The following CDKAL1 variants were observed in gnomAD, a reference collection of about 807,000 sequenced individuals.
CDKAL1 encodes the protein CDKAL1 threonylcarbamoyladenosine tRNA methylthiotransferase.
CDKAL1 carries 32 observed loss-of-function variants against 68.2 expected under a neutral mutation model. That is an observed-to-expected ratio of 0.47 (90% CI 0.35 to 0.63). The LOEUF (loss-of-function observed/expected upper bound fraction) is 0.63, where lower values mean the gene tolerates loss of function less well. Among genes scored for constraint, CDKAL1 ranks in the 30% least tolerant of loss-of-function variants. CDKAL1 has a pLI of 0.00. For synonymous variants in CDKAL1, 234 were observed against 244.3 expected (o/e 0.96, Z 0.39); for missense variants, 606 against 696.7 (o/e 0.87, Z 1.47).
At chr6:20,882,211 G>A (rs1760859373) in intron 9 of CDKAL1, among the ~76,000 whole-genome samples, 1 of 152,128 alleles carries the variant, frequency 6.6e-6, no homozygotes, top group Admixed American at 6.5e-5. Context: ...AGGGGGAAGG[G>A]GCATTCCTGT....
At chr6:21,168,587 GA>G (rs1214756297) in intron 13 of CDKAL1, among the ~76,000 whole-genome samples, 1 of 152,146 alleles carries the variant, frequency 6.6e-6, no homozygotes, top group East Asian at 1.9e-4. Flanking sequence ...CCACAATTGG[GA>G]AAAGTGGAAG....
chr6:20,876,141 G>C (rs1289149135), intron 9 of CDKAL1, among the ~76,000 whole-genome samples: 1 of 152,202 alleles, frequency 6.6e-6, no homozygotes, highest in African/African-American at 2.4e-5. Flanking sequence ...ATTTTTACCA[G>C]CTGCTGCTGG....
chr6:20,787,524 G>A (rs1775726564), intron 8 of CDKAL1, among the ~76,000 whole-genome samples: 2 of 152,360 alleles, frequency 1.3e-5, no homozygotes, highest in South Asian at 4.1e-4. Flanking sequence ...CGGTCCAGCT[G>A]TTCTTGTAAC....
chr6:20,652,573 T>C (rs952412986), intron 5 of CDKAL1, among the ~76,000 whole-genome samples: 2 of 152,220 alleles, frequency 1.3e-5, no homozygotes, highest in Non-Finnish European at 2.9e-5. Context: ...ACCTTTTCAT[T>C]GGTATTTAAA....
intron 9 of CDKAL1, among the ~76,000 whole-genome samples, chr6:20,851,849 G>T (rs1759030700): frequency 2.0e-5 from 3 of 151,644 alleles, no homozygotes; most frequent in African/African-American, 4.8e-5. Flanking sequence ...AGCAATATTT[G>T]ATTTTCTATT....
intron 5 of CDKAL1, among the ~76,000 whole-genome samples, chr6:20,698,053 A>T (rs546123013): frequency 1.4e-4 from 22 of 152,278 alleles, no homozygotes; most frequent in African/African-American, 5.1e-4. Context: ...AATCCTTTTA[A>T]TTATTTTCCT....
At chr6:21,071,761 G>C (rs1214508020) in intron 12 of CDKAL1, among the ~76,000 whole-genome samples, 1 of 152,130 alleles carries the variant, frequency 6.6e-6, no homozygotes, top group South Asian at 2.1e-4. Flanking sequence ...AGGTGCTAAG[G>C]TAAGAACTGA....
At chr6:21,178,113 C>G (rs1777656116) in intron 13 of CDKAL1, among the ~76,000 whole-genome samples, 1 of 151,820 alleles carries the variant, frequency 6.6e-6, no homozygotes, top group African/African-American at 2.4e-5. Context: ...CTAATTCCAG[C>G]CAATGTTGCA....
chr6:21,176,298 A>G (rs921065308), intron 13 of CDKAL1, among the ~76,000 whole-genome samples: 27 of 152,364 alleles, frequency 1.8e-4, no homozygotes, highest in Non-Finnish European at 2.6e-4. Context: ...ATTTTTCTAT[A>G]CATTAATGAA....
At chr6:21,182,448 G>C (rs763651044) in intron 13 of CDKAL1, among the ~76,000 whole-genome samples, 5 of 152,158 alleles carry the variant, frequency 3.3e-5, no homozygotes, top group Non-Finnish European at 7.4e-5. Flanking sequence ...AGAATCTTGT[G>C]AGCATTCTTC....
rs1357333350 is a variant in CDKAL1 at position 20,557,051 on chromosome 6, A to T, written c.286+8346A>T. On this transcript the variant is annotated intron_variant, in intron 4 of 15. Coordinates refer to ENST00000274695, the MANE Select transcript of CDKAL1 (RefSeq NM_017774.3). ...AACGAGTCTCCATCTCAAAAAAAAA[A>T]AATAAATAAATAAATAAATAAATAA... 1.5e-4 allele frequency among the ~76,000 whole-genome samples: 11 copies of T among 71,802 alleles called. No homozygotes were observed. The South Asian group carries it at 1.8e-3, about 12-fold the overall frequency. The allele number at this position is 71,802 out of a possible 152,430, so 47.1% of individuals were successfully genotyped here. A position where few individuals can be genotyped will look rare whatever the true frequency, so the allele number is the denominator to read the frequency against.
intron 15 of CDKAL1, among the ~76,000 whole-genome samples, chr6:21,216,012 C>G (rs1362836205): frequency 6.6e-6 from 1 of 152,058 alleles, no homozygotes; most frequent in African/African-American, 2.4e-5. Flanking sequence ...AATCAGAGGT[C>G]AGAGTGATAG....
chr6:21,017,470 C>T (rs1342389438), intron 11 of CDKAL1, among the ~76,000 whole-genome samples: 1 of 152,180 alleles, frequency 6.6e-6, no homozygotes, highest in Admixed American at 6.5e-5. Flanking sequence ...GTCTTTACAA[C>T]CACATCATCA....
intron 9 of CDKAL1, among the ~76,000 whole-genome samples, chr6:20,898,664 G>C (rs1303676702): frequency 6.6e-6 from 1 of 152,048 alleles, no homozygotes; most frequent in East Asian, 1.9e-4. Flanking sequence ...AATGCTTACT[G>C]AGAGTACTGA....
chr6:20,688,033 CTT>C (rs199935142), intron 5 of CDKAL1, among the ~76,000 whole-genome samples: 4,686 of 152,012 alleles, frequency 0.031, 73 homozygotes, highest in Middle Eastern at 0.068. Context: ...TTTATCAACA[CTT>C]TATTTTACTT....
In CDKAL1 at chr6:20,977,130, C is replaced by T. The variant is rs546524572; in HGVS notation, c.909+21545C>T. On this transcript the variant is annotated intron_variant, in intron 10 of 15. Transcript: ENST00000274695. ...ATTTTGGATAGGAAGTAGTAAAGAC[C>T]CTTAAAGAAATGACCTAGTGTAATT... 3.9e-5 allele frequency among the ~76,000 whole-genome samples: 6 copies of T among 152,080 alleles called. No homozygotes were observed. The East Asian group carries it at 1.2e-3, about 29-fold the overall frequency.
chr6:20,938,159 A>G (rs1357827359), intron 9 of CDKAL1, among the ~76,000 whole-genome samples: 1 of 152,116 alleles, frequency 6.6e-6, no homozygotes, highest in African/African-American at 2.4e-5. Flanking sequence ...TACTACTGTC[A>G]TTATTTATTC....
At chr6:20,934,190 G>A (rs1037235526) in intron 9 of CDKAL1, among the ~76,000 whole-genome samples, 1 of 152,064 alleles carries the variant, frequency 6.6e-6, no homozygotes, top group Non-Finnish European at 1.5e-5. Context: ...TAAGACAAGG[G>A]CATTTCTAGA....
At chr6:20,695,010 AGAACTAT>A (rs921726052) in intron 5 of CDKAL1, among the ~76,000 whole-genome samples, 1 of 152,202 alleles carries the variant, frequency 6.6e-6, no homozygotes, top group Non-Finnish European at 1.5e-5. Context: ...TACAGCCTGC[AGAACTAT>A]GAACCAAACA....
Sources: allele counts gnomAD v4.1 joint callset (sites outside exome capture counted in the v4.1 genomes callset), GRCh38; gene constraint gnomAD v4.1.1; transcripts MANE v1.5; gene names NCBI Gene and HGNC (gene_info 2026-07-23, HGNC 2026-07-21).